The following GIGYF2 variants were observed in gnomAD, a reference collection of about 807,000 sequenced individuals.
GIGYF2 encodes GRB10 interacting GYF protein 2.
GIGYF2 carries 25 observed loss-of-function variants against 208.1 expected under a neutral mutation model. The ratio of observed to expected loss-of-function variants is 0.12; its 90% CI spans 0.09 to 0.17. The LOEUF (loss-of-function observed/expected upper bound fraction) is 0.17, where lower values mean the gene tolerates loss of function less well. Among genes scored for constraint, GIGYF2 ranks in the 10% least tolerant of loss-of-function variants. The pLI, the probability that GIGYF2 is intolerant of heterozygous loss-of-function variation, is 1.00. For synonymous variants in GIGYF2, 534 were observed against 543.8 expected (o/e 0.98, Z 0.25); for missense variants, 1,302 against 1,579.4 (o/e 0.82, Z 2.98).
chr2:232,760,231 G>A (rs1698696068), intron 6 of GIGYF2: 1 of 381,620 alleles, frequency 2.6e-6, no homozygotes, highest in Non-Finnish European at 4.8e-6. Context: ...ATACTTTCTT[G>A]TTCAGGACTG....
intron 5 of GIGYF2, among the ~76,000 whole-genome samples, chr2:232,755,149 A>C (rs934647354): frequency 6.6e-6 from 1 of 152,098 alleles, no homozygotes; most frequent in African/African-American, 2.4e-5. Flanking sequence ...GTTGAATTGC[A>C]GGATTCTTTT....
At chr2:232,764,387 C>T (rs1365397269) in intron 8 of GIGYF2, 1 of 152,246 alleles carries the variant, frequency 6.6e-6, no homozygotes, top group East Asian at 1.9e-4. Flanking sequence ...TTTATGTTGT[C>T]ACAGGCAAGC....
chr2:232,754,534 G>A (rs1202428427), intron 5 of GIGYF2, among the ~76,000 whole-genome samples: 3 of 152,164 alleles, frequency 2.0e-5, no homozygotes, highest in African/African-American at 4.8e-5. Context: ...ATATGTGATA[G>A]TTTGGTTGAC....
intron 2 of GIGYF2, among the ~76,000 whole-genome samples, chr2:232,730,913 A>G (rs1282630966): frequency 5.3e-5 from 8 of 151,532 alleles, no homozygotes; most frequent in Non-Finnish European, 5.9e-5. Flanking sequence ...AAAAAAAAAA[A>G]AAAAAAAAAG....
intron 8 of GIGYF2, among the ~76,000 whole-genome samples, chr2:232,780,531 G>A (rs1337066644): frequency 6.6e-6 from 1 of 152,208 alleles, no homozygotes; most frequent in Non-Finnish European, 1.5e-5. Context: ...TCTGACGAAA[G>A]CTGTAGACCC....
At chr2:232,835,981 C>T (rs1701576492) in intron 22 of GIGYF2, among the ~76,000 whole-genome samples, 1 of 151,764 alleles carries the variant, frequency 6.6e-6, no homozygotes, top group African/African-American at 2.4e-5. Context: ...AGAATTATAT[C>T]CAAACAGCAC....
chr2:232,757,946 T>C (rs1218422084), intron 6 of GIGYF2, among the ~76,000 whole-genome samples: 1 of 152,168 alleles, frequency 6.6e-6, no homozygotes, highest in Non-Finnish European at 1.5e-5. Context: ...AAAAGATAGA[T>C]GTGACATATG....
At chr2:232,784,613 G>A (rs774226864) in intron 8 of GIGYF2, among the ~76,000 whole-genome samples, 5 of 146,108 alleles carry the variant, frequency 3.4e-5, no homozygotes, top group Middle Eastern at 3.6e-3. Context: ...ATCTGACCTC[G>A]TGATCTGCCC....
At chr2:232,748,442 T>C (rs1249220575) in intron 4 of GIGYF2, among the ~76,000 whole-genome samples, 2 of 152,098 alleles carry the variant, frequency 1.3e-5, no homozygotes, top group East Asian at 1.9e-4. Context: ...GTTCCCACGC[T>C]TGGCTAATTT....
Position 232,790,684 on chromosome 2 carries a change from CCTT to C in GIGYF2, c.713-11_713-9del, listed in dbSNP as rs771227740. ...AAAACTTTTCTAAGGTTTGTGTCCT[CCTT>C]CTCATCTCAGATGGCCCTCGTTCTG... is the stretch of plus-strand genomic sequence containing the variant. On this transcript the variant is annotated splice_polypyrimidine_tract_variant and intron_variant, in intron 9 of 28. Transcript: ENST00000373563. 6.2e-7 allele frequency: 1 copy of C among 1,600,812 alleles called. No individual in the cohort carries two copies. Among genetic ancestry groups the C allele is most frequent in the Non-Finnish European group, 8.6e-7 (1 of 1,167,918 alleles).
chr2:232,726,709 C>T (rs959291446), intron 2 of GIGYF2, among the ~76,000 whole-genome samples: 3 of 151,970 alleles, frequency 2.0e-5, no homozygotes, highest in East Asian at 1.9e-4. Context: ...GACAAGATTT[C>T]GAAAGTACAA....
At chr2:232,729,956 A>G in intron 2 of GIGYF2, 1 of 724,062 alleles carries the variant, frequency 1.4e-6, no homozygotes, top group Admixed American at 1.9e-5. Flanking sequence ...CCATATCCAC[A>G]GGACCATACT....
chr2:232,810,852 G>A, intron 16 of GIGYF2: 1 of 217,822 alleles, frequency 4.6e-6, no homozygotes, highest in Non-Finnish European at 9.3e-6. Flanking sequence ...TTTTTACAAA[G>A]GGTACGTCAT....
In GIGYF2 at chr2:232,735,254, C is replaced by T. The variant is rs779674589; in HGVS notation, c.41+16C>T. The T allele has an allele frequency of 1.3e-6, 2 of 1,576,094 alleles. No homozygotes were observed. The highest frequency in any genetic ancestry group is 1.7e-6 in the Non-Finnish European group (2 of 1,145,478). Reference sequence around the variant, plus strand: ...GGCCTGAATGGTGAGTTTTCAAAATCTCATCTTCTTTGATATTGGATGACT... The same window carrying T: ...GGCCTGAATGGTGAGTTTTCAAAATTTCATCTTCTTTGATATTGGATGACT... On this transcript the variant is annotated intron_variant, in intron 3 of 28. Coordinates refer to ENST00000373563, the MANE Select transcript of GIGYF2 (RefSeq NM_001103146.3).
At chr2:232,826,382 T>C (rs1301899277) in intron 21 of GIGYF2, among the ~76,000 whole-genome samples, 1 of 152,248 alleles carries the variant, frequency 6.6e-6, no homozygotes, top group Non-Finnish European at 1.5e-5. Context: ...CCTGACTTTT[T>C]AATGATTGCC....
rs1700721634 is a variant in GIGYF2, at chr2:232,811,131, A to C, written c.1899-113A>C. 3 of 682,636 alleles carry C rather than the reference A, an allele frequency of 4.4e-6. No homozygotes were observed. In the East Asian group the frequency reaches 8.2e-5, roughly 19 times the overall value. 42.3% of individuals were successfully genotyped at this position (682,636 alleles called of 1,614,324 possible). On this transcript the variant is annotated intron_variant, in intron 16 of 28. Transcript: ENST00000373563. ...GAATTATAAAATATATTTGATAGCT[A>C]TTTCTAATAATGTCTCCTGGGGGGC... is the stretch of plus-strand genomic sequence containing the variant.
intron 2 of GIGYF2, among the ~76,000 whole-genome samples, chr2:232,714,918 C>T (rs1486651125): frequency 6.6e-6 from 1 of 152,064 alleles, no homozygotes; most frequent in Non-Finnish European, 1.5e-5. Flanking sequence ...TCCCGATCCT[C>T]TCCCTTCTCC....
Position 232,791,383 on chromosome 2 carries a change from A to G in GIGYF2, c.1219A>G (p.Lys407Glu), listed in dbSNP as rs553112717. Residue 407 changes from lysine to glutamate, a missense_variant, in exon 12 of 29, where the codon AAA becomes GAA. Around this residue, in one of 8 missense-constraint regions of GIGYF2, gnomAD observed 235 missense variants for 218.8 expected, o/e 1.07. Transcript: ENST00000373563. Reference protein sequence around the residue: ...KDEPKTEQTEKAEEETRMENS... With the variant: ...KDEPKTEQTEEAEEETRMENS... ...TGAACCAAAAACTGAGCAAACGGAA[A>G]AAGCTGAAGAGGAGACTCGGATGGA... is the stretch of plus-strand genomic sequence containing the variant. 2.8e-5 allele frequency: 45 copies of G among 1,613,980 alleles called. No homozygotes were observed. In the South Asian group the frequency reaches 3.1e-4, roughly 11 times the overall value.
At chr2:232,726,632 A>G (rs1697215303) in intron 2 of GIGYF2, among the ~76,000 whole-genome samples, 1 of 152,090 alleles carries the variant, frequency 6.6e-6, no homozygotes, top group African/African-American at 2.4e-5. Context: ...TTAGTTTTTA[A>G]ATAGGTCCTA....
Sources: gnomAD v4.1 joint callset for allele counts (sites outside exome capture counted in the v4.1 genomes callset) on GRCh38, gnomAD v4.1.1 for gene constraint, gnomAD v4.1.1 regional missense constraint, MANE v1.5 for transcripts, NCBI Gene and HGNC (gene_info 2026-07-23, HGNC 2026-07-21) for gene names.